Variants in SLC24A4 observed in about 807,000 individuals in gnomAD.
The protein encoded by SLC24A4 is solute carrier family 24 member 4.
SLC24A4 carries 53 observed loss-of-function variants against 79.0 expected under a neutral mutation model. That is an observed-to-expected ratio of 0.67 (90% CI 0.54 to 0.84). The LOEUF (loss-of-function observed/expected upper bound fraction) is 0.84. SLC24A4 is among the 40% of genes least tolerant of loss of function. SLC24A4 has a pLI of 0.00. For synonymous variants in SLC24A4, 323 were observed against 323.8 expected (o/e 1.00, Z 0.03); for missense variants, 731 against 822.0 (o/e 0.89, Z 1.35).
At chr14:92,450,055 T>C (rs59977926) in intron 10 of SLC24A4, among the ~76,000 whole-genome samples, 28,909 of 152,150 alleles carry the variant, frequency 0.19, 2,967 homozygotes, top group East Asian at 0.38. Context: ...GTTCTTGCAA[T>C]TGGTATGGAA....
Position 92,323,846 on chromosome 14 carries a change from AC to A in SLC24A4, c.19del (p.Leu7SerfsTer58). On this transcript the variant is annotated frameshift_variant, in exon 1 of 17. Coordinates refer to ENST00000532405, the MANE Select transcript of SLC24A4 (RefSeq NM_153646.4). LOFTEE classifies it high-confidence loss of function. This position sits in a 1 kb window ranked among gnomAD's most constrained non-coding sequence, Gnocchi z 4.9. ...GCGCTCCGGGATGGCGCTCCGCGGG[AC>A]CCTCCGGCCGCTCAAAGTTCGCAGG... MALRGTLRPLKVRRRR... is the reference protein window; with the variant it reads MALRGXLRPLKVRRRR... 6.3e-7 allele frequency: 1 copy of A among 1,585,604 alleles called. No individual in the cohort carries two copies. Among genetic ancestry groups the A allele is most frequent in the Non-Finnish European group, 8.5e-7 (1 of 1,173,060 alleles).
chr14:92,344,276 C>T (rs774087074), intron 2 of SLC24A4, among the ~76,000 whole-genome samples: 12 of 152,180 alleles, frequency 7.9e-5, no homozygotes, highest in Non-Finnish European at 1.8e-4. Flanking sequence ...TCTCCTTCTG[C>T]CTGGATTCTA....
At chr14:92,492,021 C>T (rs571800110) in intron 15 of SLC24A4, among the ~76,000 whole-genome samples, 154 bp from the exon 16 acceptor site, 9 of 152,266 alleles carry the variant, frequency 5.9e-5, no homozygotes, top group African/African-American at 1.9e-4. Context: ...GACTTGAATC[C>T]GTATTTTCCT....
intron 2 of SLC24A4, among the ~76,000 whole-genome samples, chr14:92,389,712 C>T (rs1317281190): frequency 6.6e-6 from 1 of 152,228 alleles, no homozygotes. Flanking sequence ...ATCCCCTGTG[C>T]TAAGCCAGTG....
rs906069074 is a variant in SLC24A4, at chr14:92,490,449, T to A, written c.1538-1216T>A. Among the ~76,000 whole-genome samples the A allele has an allele frequency of 1.6e-4, 25 of 152,348 alleles. No homozygotes were observed. The highest frequency in any genetic ancestry group is 3.2e-4 in the Non-Finnish European group (22 of 68,032). On this transcript the variant is annotated intron_variant, in intron 14 of 16. Coordinates refer to ENST00000532405, the MANE Select transcript of SLC24A4 (RefSeq NM_153646.4). This position sits in a 1 kb window ranked among gnomAD's most constrained non-coding sequence, Gnocchi z 4.3. ...CGAGGACATGGGCCCCAGCCTCTGA[T>A]GTGCTTCTAGCCTGGTTGGGGAAAG...
intron 2 of SLC24A4, among the ~76,000 whole-genome samples, chr14:92,329,758 C>T (rs118160684): frequency 0.027 from 4,134 of 152,352 alleles, 81 homozygotes; most frequent in Middle Eastern, 0.048. Context: ...CCTTCTGCCT[C>T]GGCCTCCCAA....
chr14:92,436,597 G>T (rs1410104620), intron 3 of SLC24A4, among the ~76,000 whole-genome samples: 1 of 152,090 alleles, frequency 6.6e-6, no homozygotes, highest in Non-Finnish European at 1.5e-5. Flanking sequence ...CTGACCTCTC[G>T]TTTTTTCTTT....
At chr14:92,460,571 T>G (rs1893742073) in intron 12 of SLC24A4, among the ~76,000 whole-genome samples, 1 of 152,194 alleles carries the variant, frequency 6.6e-6, no homozygotes, top group Non-Finnish European at 1.5e-5. Flanking sequence ...AGGTCTGGGC[T>G]TCAGGCACTT....
intron 2 of SLC24A4, among the ~76,000 whole-genome samples, chr14:92,411,299 C>T (rs371233154): frequency 3.9e-5 from 6 of 152,192 alleles, no homozygotes; most frequent in African/African-American, 1.2e-4. Flanking sequence ...CCTGGAATCC[C>T]AAGCTGTCTA....
intron 2 of SLC24A4, among the ~76,000 whole-genome samples, chr14:92,339,369 G>A (rs568638232): frequency 6.6e-6 from 1 of 152,370 alleles, no homozygotes; most frequent in South Asian, 2.1e-4. Flanking sequence ...GCTAACAATG[G>A]AGTAGACACT....
chr14:92,455,682 G>A (rs1893413987), intron 11 of SLC24A4, among the ~76,000 whole-genome samples: 1 of 152,066 alleles, frequency 6.6e-6, no homozygotes, highest in South Asian at 2.1e-4. Context: ...ACATCTTGAT[G>A]TAAAACATCA....
intron 2 of SLC24A4, among the ~76,000 whole-genome samples, chr14:92,411,941 C>T (rs7144205): frequency 1.3e-5 from 2 of 150,636 alleles, no homozygotes; most frequent in East Asian, 3.9e-4. Context: ...GACCAAAAAA[C>T]AAAACAAAAC....
At chr14:92,412,526 C>A (rs1890777235) in intron 2 of SLC24A4, among the ~76,000 whole-genome samples, 2 of 152,172 alleles carry the variant, frequency 1.3e-5, no homozygotes, top group Admixed American at 1.3e-4. Context: ...TCCTCCTGGG[C>A]ACAGGGTGTG....
intron 12 of SLC24A4, among the ~76,000 whole-genome samples, chr14:92,468,633 G>A (rs570274578): frequency 2.2e-4 from 34 of 152,186 alleles, no homozygotes; most frequent in African/African-American, 8.2e-4. Flanking sequence ...TTTTGACAAG[G>A]GTAATGACAA....
At chr14:92,387,181 A>T (rs1252167368) in intron 2 of SLC24A4, among the ~76,000 whole-genome samples, 1 of 140,388 alleles carries the variant, frequency 7.1e-6, no homozygotes, top group African/African-American at 2.8e-5. Context: ...GGAGAGAAGT[A>T]TTTTTTTTTT....
intron 2 of SLC24A4, among the ~76,000 whole-genome samples, chr14:92,348,302 A>G (rs1886656995): frequency 6.6e-6 from 1 of 152,242 alleles, no homozygotes; most frequent in South Asian, 2.1e-4. Flanking sequence ...GGACTTAAAC[A>G]TTGACACAGT....
chr14:92,435,075 A>G (rs1341276881), intron 3 of SLC24A4, among the ~76,000 whole-genome samples: 1 of 152,134 alleles, frequency 6.6e-6, no homozygotes, highest in Non-Finnish European at 1.5e-5. Flanking sequence ...TCCCCGGCCC[A>G]CTTAAAGTAT....
intron 2 of SLC24A4, among the ~76,000 whole-genome samples, chr14:92,342,404 A>G (rs1175645858): frequency 8.4e-6 from 1 of 119,604 alleles, no homozygotes; most frequent in African/African-American, 2.9e-5. Flanking sequence ...TTATTTTGAG[A>G]TGGACTTTTG....
At chr14:92,443,057 C>T (rs1459430959) in intron 6 of SLC24A4, among the ~76,000 whole-genome samples, 3 of 152,252 alleles carry the variant, frequency 2.0e-5, no homozygotes, top group South Asian at 4.1e-4. Context: ...CTCAGAGAGG[C>T]GGGCTCATGA....
Sources: gnomAD v4.1 joint callset for allele counts (sites outside exome capture counted in the v4.1 genomes callset) on GRCh38, gnomAD v4.1.1 for gene constraint, Gnocchi (gnomAD v3.1) non-coding constraint, MANE v1.5 for transcripts, NCBI Gene and HGNC (gene_info 2026-07-23, HGNC 2026-07-21) for gene names.